Variants in TNFRSF13B observed in about 807,000 individuals in gnomAD.
TNFRSF13B encodes TNF receptor superfamily member 13B.
A neutral mutation model predicts 24.0 loss-of-function variants in TNFRSF13B; 34 were observed. That is an observed-to-expected ratio of 1.41 (90% CI 1.08 to 1.88). The LOEUF (loss-of-function observed/expected upper bound fraction) is 1.88. Ranked by LOEUF, TNFRSF13B falls within the 40% of genes most tolerant of loss-of-function variation. The pLI, the probability that TNFRSF13B is intolerant of heterozygous loss-of-function variation, is 0.00. For synonymous variants in TNFRSF13B, 173 were observed against 150.3 expected, an observed-to-expected ratio of 1.15 and a Z score of -1.10; for missense variants, 415 against 380.8, an observed-to-expected ratio of 1.09 and a Z score of -0.75.
intron 1 of TNFRSF13B, 144 bp from the exon 2 acceptor site, chr17:16,952,727 G>A (rs2087598620): frequency 1.5e-6 from 2 of 1,298,782 alleles, no homozygotes; most frequent in South Asian, 1.3e-5. Context: ...GACAAAGTTG[G>A]CTTCTAGCCC....
chr17:16,946,588 A>G (rs534524680), intron 3 of TNFRSF13B, among the ~76,000 whole-genome samples: 286 of 117,036 alleles, frequency 2.4e-3, no homozygotes, highest in Middle Eastern at 4.6e-3. Flanking sequence ...TTATTTATTT[A>G]TTTATTTATT....
intron 1 of TNFRSF13B, among the ~76,000 whole-genome samples, chr17:16,959,714 A>G (rs1321508822): frequency 6.6e-6 from 1 of 152,124 alleles, no homozygotes; most frequent in Non-Finnish European, 1.5e-5. Context: ...TACACCAACA[A>G]ATTGGATAAC....
At chr17:16,966,832 CTTT>C (rs796602708) in intron 1 of TNFRSF13B, among the ~76,000 whole-genome samples, 36 of 95,858 alleles carry the variant, frequency 3.8e-4, no homozygotes, top group East Asian at 3.3e-3. Flanking sequence ...TTTTCTTTTT[CTTT>C]TTTCTTTTTT....
In TNFRSF13B at chr17:16,939,108, T is replaced by G; in HGVS notation, c.*439A>C. 6.3e-6 allele frequency: 1 copy of G among 159,380 alleles called. No homozygotes were observed. Among genetic ancestry groups the G allele is most frequent in the Non-Finnish European group, 1.4e-5 (1 of 73,006 alleles). The allele number at this position is 159,380 out of a possible 1,614,324, so 9.9% of individuals were successfully genotyped here. A position where few individuals can be genotyped will look rare whatever the true frequency, so the allele number is the denominator to read the frequency against. On this transcript the variant is annotated 3_prime_UTR_variant, in exon 5 of 5. Transcript: ENST00000261652. ...GTGAGGAAGGGCAGCTGCCAAAGGT[T>G]TTATTCTCCAGGAGGAGGGGCTCTC...
intron 4 of TNFRSF13B, 69 bp downstream of exon 4, chr17:16,940,257 C>T (rs2087499312): frequency 9.9e-6 from 16 of 1,611,362 alleles, no homozygotes; most frequent in Non-Finnish European, 1.2e-5. Context: ...AGTGACAGGA[C>T]CGAGGGATGG....
chr17:16,948,838 TGGAA>T lies in TNFRSF13B; in HGVS notation c.341_344del (p.Leu114HisfsTer39). 1 of 1,614,218 alleles carries T rather than the reference TGGAA, an allele frequency of 6.2e-7. No homozygotes were observed. Among genetic ancestry groups the T allele is most frequent in the Non-Finnish European group, 8.5e-7 (1 of 1,180,032 alleles). ...CACTCCGCTGTCTCCTGAGCTCTGG[TGGAA>T]GGTTCACTGGGCTCCTGAGCTTGTT... is the stretch of plus-strand genomic sequence containing the variant. On this transcript the variant is annotated frameshift_variant, in exon 3 of 5. Coordinates refer to ENST00000261652, the MANE Select transcript of TNFRSF13B (RefSeq NM_012452.3). LOFTEE classifies it high-confidence loss of function.
intron 1 of TNFRSF13B, among the ~76,000 whole-genome samples, chr17:16,957,272 T>C (rs1224606877): frequency 1.3e-5 from 2 of 150,678 alleles, no homozygotes; most frequent in Non-Finnish European, 3.0e-5. Flanking sequence ...TATCGCAAAT[T>C]TAAGCAAGCA....
intron 1 of TNFRSF13B, among the ~76,000 whole-genome samples, chr17:16,962,417 G>C (rs947812725): frequency 2.0e-5 from 3 of 151,962 alleles, no homozygotes; most frequent in African/African-American, 7.3e-5. Flanking sequence ...TGAGGCAGGA[G>C]AATCACTTGA....
At chr17:16,946,137 G>A (rs1311200724) in intron 3 of TNFRSF13B, among the ~76,000 whole-genome samples, 1 of 152,266 alleles carries the variant, frequency 6.6e-6, no homozygotes, top group African/African-American at 2.4e-5. Flanking sequence ...CTAACTGACA[G>A]GAGAGCAGGA....
At chr17:16,967,638 G>T (rs2087711510) in intron 1 of TNFRSF13B, among the ~76,000 whole-genome samples, 1 of 150,856 alleles carries the variant, frequency 6.6e-6, no homozygotes, top group African/African-American at 2.4e-5. Flanking sequence ...TGTAGTCCCA[G>T]CTATTCAGGA....
rs750227977 is a variant in TNFRSF13B, at chr17:16,965,513, T to C, written c.61+6502A>G. Among the ~76,000 whole-genome samples the C allele has an allele frequency of 7.6e-4, 116 of 152,328 alleles. No individual in the cohort carries two copies. In the Middle Eastern group the frequency reaches 0.017, roughly 22 times the overall value. On this transcript the variant is annotated intron_variant, in intron 1 of 4. Transcript: ENST00000261652. Reference sequence around the variant, plus strand: ...AATGCTAATCAGTAGCTGGATATAGTTGTACTCAGTAAAGACTTGCGGAAG... The same window carrying C: ...AATGCTAATCAGTAGCTGGATATAGCTGTACTCAGTAAAGACTTGCGGAAG...
intron 3 of TNFRSF13B, among the ~76,000 whole-genome samples, chr17:16,945,157 C>G (rs1004609015): frequency 3.9e-5 from 6 of 152,252 alleles, no homozygotes; most frequent in African/African-American, 1.4e-4. Flanking sequence ...ACAAGTGTGG[C>G]AGCTGATGTA....
At chr17:16,962,139 A>G (rs935279472) in intron 1 of TNFRSF13B, among the ~76,000 whole-genome samples, 8 of 152,250 alleles carry the variant, frequency 5.3e-5, no homozygotes, top group African/African-American at 1.7e-4. Flanking sequence ...GATTTGTCCC[A>G]GAGCTGGAGA....
intron 2 of TNFRSF13B, 94 bp from the exon 3 acceptor site, chr17:16,949,077 T>A (rs1005853750): frequency 2.7e-5 from 40 of 1,472,822 alleles, no homozygotes; most frequent in South Asian, 7.2e-5. Flanking sequence ...AAAAAAAAAA[T>A]ACAGTAAAAT....
At position 16,949,002 on chromosome 17, in the gene TNFRSF13B, T is replaced by C; in HGVS notation, c.200-19A>G. On this transcript the variant is annotated intron_variant, in intron 2 of 4. Coordinates refer to ENST00000261652, the MANE Select transcript of TNFRSF13B (RefSeq NM_012452.3). Reference sequence around the variant, plus strand: ...AGTGACCCTGGGAGAGAGAAATTCATGATACTGCTGGGTGACACAGACTAG... The same window carrying C: ...AGTGACCCTGGGAGAGAGAAATTCACGATACTGCTGGGTGACACAGACTAG... 1.2e-6 allele frequency: 2 copies of C among 1,613,790 alleles called. No homozygotes were observed. Among genetic ancestry groups the C allele is most frequent in the Non-Finnish European group, 1.7e-6 (2 of 1,180,000 alleles).
At chr17:16,961,562 A>G (rs893464813) in intron 1 of TNFRSF13B, among the ~76,000 whole-genome samples, 1 of 152,210 alleles carries the variant, frequency 6.6e-6, no homozygotes, top group South Asian at 2.1e-4. Flanking sequence ...GTTAGAGAGT[A>G]AAATAGAGGT....
At chr17:16,940,555 T>C in intron 3 of TNFRSF13B, 44 bp from the exon 4 acceptor site, 1 of 1,595,550 alleles carries the variant, frequency 6.3e-7, no homozygotes, top group East Asian at 2.3e-5. Context: ...CCTTCTTCTC[T>C]TCCCGTCATT....
At chr17:16,959,584 G>A (rs1425059450) in intron 1 of TNFRSF13B, among the ~76,000 whole-genome samples, 1 of 151,696 alleles carries the variant, frequency 6.6e-6, no homozygotes, top group Non-Finnish European at 1.5e-5. Context: ...AAACCTTTAG[G>A]TAGACTGACT....
chr17:16,941,361 G>A (rs1265287923), intron 3 of TNFRSF13B: 1 of 987,544 alleles, frequency 1.0e-6, no homozygotes, highest in African/African-American at 1.7e-5. Flanking sequence ...CTCAGGACTT[G>A]TGCCTCCAGG....
Sources: allele counts gnomAD v4.1 joint callset (sites outside exome capture counted in the v4.1 genomes callset), GRCh38; gene constraint gnomAD v4.1.1; transcripts MANE v1.5; gene names NCBI Gene and HGNC (gene_info 2026-07-23, HGNC 2026-07-21).